SLIT1: variants seen among roughly 807,000 people sequenced by gnomAD.
SLIT1 encodes slit guidance ligand 1, also known as slit homolog 1 protein.
In SLIT1, 66 loss-of-function variants were observed where a neutral mutation model predicts 186.1. That is an observed-to-expected ratio of 0.35 (90% confidence interval 0.29 to 0.44). The LOEUF (loss-of-function observed/expected upper bound fraction) is 0.44, where lower values mean the gene tolerates loss of function less well. Ranked by LOEUF, SLIT1 falls within the 20% of genes least tolerant of loss-of-function variation. SLIT1 has a pLI of 1.00. For synonymous variants in SLIT1, 761 were observed against 833.8 expected (o/e 0.91, Z 1.50); for missense variants, 1,638 against 2,037.4 (o/e 0.80, Z 3.77).
intron 4 of SLIT1, among the ~76,000 whole-genome samples, chr10:97,104,605 G>T (rs539356209): frequency 3.3e-5 from 5 of 151,950 alleles, no homozygotes; most frequent in African/African-American, 1.2e-4. Flanking sequence ...CTTCACTCTT[G>T]GATGCAAGCC....
chr10:97,150,376 G>A (rs1849864098), intron 4 of SLIT1, among the ~76,000 whole-genome samples: 1 of 152,150 alleles, frequency 6.6e-6, no homozygotes, highest in Non-Finnish European at 1.5e-5. Flanking sequence ...AGACGGGAAG[G>A]GAAGCTTTGT....
At chr10:97,001,617 G>C (rs1840832934) in intron 36 of SLIT1, among the ~76,000 whole-genome samples, 1 of 152,118 alleles carries the variant, frequency 6.6e-6, no homozygotes, top group African/African-American at 2.4e-5. Context: ...CATTGCTAGA[G>C]GCGTGCAAGA....
intron 13 of SLIT1, among the ~76,000 whole-genome samples, chr10:97,049,699 C>G (rs1301260659): frequency 6.6e-6 from 1 of 152,144 alleles, no homozygotes. Flanking sequence ...CAGGGAGTCA[C>G]CATCCCCACC....
At chr10:97,018,310 G>C (rs1848471541) in intron 28 of SLIT1, among the ~76,000 whole-genome samples, 1 of 152,242 alleles carries the variant, frequency 6.6e-6, no homozygotes, top group African/African-American at 2.4e-5. Flanking sequence ...CCCACTCCAA[G>C]CCCTGCTCAA....
At chr10:97,171,315 A>C (rs1299737181) in intron 1 of SLIT1, among the ~76,000 whole-genome samples, 1 of 151,824 alleles carries the variant, frequency 6.6e-6, no homozygotes, top group African/African-American at 2.4e-5. Context: ...GCCCCATCCC[A>C]CCTGCCAGCT....
At chr10:97,095,931 G>C (rs1253472381) in intron 4 of SLIT1, among the ~76,000 whole-genome samples, 1 of 152,172 alleles carries the variant, frequency 6.6e-6, no homozygotes, top group Non-Finnish European at 1.5e-5. Flanking sequence ...GTGGGCCTGA[G>C]AGTCTGTGTT....
In SLIT1 at chr10:97,036,067, G is replaced by T. The variant is rs1224035292; in HGVS notation, c.2367-1525C>A. The stretch of plus-strand genomic sequence containing the variant: ...TAAACCATGACAGTCTGGAGAGGGG[G>T]CCATGACTTCGGGGCCTTCACGTCT... On this transcript the variant is annotated intron_variant, in intron 22 of 36. Transcript: ENST00000266058. Among the ~76,000 whole-genome samples the T allele has an allele frequency of 2.6e-5, 4 of 152,090 alleles. No individual in the cohort carries two copies. In the East Asian group the frequency reaches 5.8e-4, roughly 22 times the overall value.
At chr10:97,173,098 C>A (rs1380867064) in intron 1 of SLIT1, among the ~76,000 whole-genome samples, 3 of 152,296 alleles carry the variant, frequency 2.0e-5, no homozygotes, top group Middle Eastern at 3.4e-3. Flanking sequence ...CATAAGTGAG[C>A]CCAATATGAG....
chr10:97,147,610 T>C (rs538538556), intron 4 of SLIT1, among the ~76,000 whole-genome samples: 58 of 148,922 alleles, frequency 3.9e-4, no homozygotes, highest in African/African-American at 1.2e-3. Context: ...CTCTTGTTCA[T>C]GGCTCAGGTT....
chr10:97,060,832 A>C, intron 8 of SLIT1, 45 bp from the exon 9 acceptor site: 1 of 1,521,438 alleles, frequency 6.6e-7, no homozygotes, highest in Non-Finnish European at 8.8e-7. Context: ...ATGCATCAGC[A>C]CCTCCCTTGA....
At chr10:97,119,946 T>TATATATATATATAC (rs1849546229) in intron 4 of SLIT1, among the ~76,000 whole-genome samples, 1 of 137,714 alleles carries the variant, frequency 7.3e-6, no homozygotes, top group Admixed American at 7.3e-5. Context: ...TATATATATA[T>TATATATATATATAC]GTATATGTAT....
intron 4 of SLIT1, among the ~76,000 whole-genome samples, chr10:97,085,386 CT>C (rs879321019): frequency 0.022 from 3,291 of 148,410 alleles, 136 homozygotes; most frequent in African/African-American, 0.076. Flanking sequence ...TTAGCATGTA[CT>C]TTTTTTTTTT....
chr10:97,108,277 C>T (rs994742860), intron 4 of SLIT1, among the ~76,000 whole-genome samples: 5 of 152,180 alleles, frequency 3.3e-5, no homozygotes, highest in African/African-American at 1.2e-4. Flanking sequence ...GCCAGCTTTG[C>T]CACTTCCTTT....
In SLIT1 at chr10:97,021,369, C is replaced by T; in HGVS notation, c.2627G>A (p.Trp876Ter). The change falls in exon 26 of 37, where the codon TGG becomes TAG. Residue 876 changes from tryptophan (W) to a stop codon, truncating the protein, a stop_gained. Coordinates refer to ENST00000266058, the MANE Select transcript of SLIT1 (RefSeq NM_003061.3). LOFTEE classifies it high-confidence loss of function. This position sits in a 1 kb window ranked among gnomAD's most constrained non-coding sequence, Gnocchi z 4.5. ...GCCAGTCTTCACCCAGCTGGACAGC[C>T]AGCGGAGGTGGCAGTCACAGTATAG... is the stretch of plus-strand genomic sequence containing the variant. ...NPLYCDCHLRWLSSWVKTGYK... is the reference protein window; with the variant it reads ...NPLYCDCHLR The T allele has an allele frequency of 6.2e-7, 1 of 1,614,148 alleles. No individual in the cohort carries two copies. The highest frequency in any genetic ancestry group is 8.5e-7 in the Non-Finnish European group (1 of 1,180,006).
rs1485327298 is a variant in SLIT1 at position 97,004,390 on chromosome 10, T to C, written c.3711-168A>G. On this transcript the variant is annotated intron_variant, in intron 33 of 36. Transcript: ENST00000266058. This position sits in a 1 kb window ranked among gnomAD's most constrained non-coding sequence, Gnocchi z 5.1. ...TATCGCATGATCCCTTTCACTCCCC[T>C]TCTTTGACTCCCTGGGGAAGGCTGA... is the stretch of plus-strand genomic sequence containing the variant. Among the ~76,000 whole-genome samples, 1 of 152,164 alleles carries C rather than the reference T, an allele frequency of 6.6e-6. No homozygotes were observed. The highest frequency in any genetic ancestry group is 2.4e-5 in the African/African-American group (1 of 41,442).
chr10:97,005,539 G>C (rs917463773), intron 32 of SLIT1, among the ~76,000 whole-genome samples: 1 of 152,356 alleles, frequency 6.6e-6, no homozygotes, highest in South Asian at 2.1e-4. Flanking sequence ...TGTGACTAAC[G>C]CCAGGCCAAT....
At chr10:97,032,827 AAG>A (rs1848604086) in intron 23 of SLIT1, among the ~76,000 whole-genome samples, 1 of 152,218 alleles carries the variant, frequency 6.6e-6, no homozygotes, top group South Asian at 2.1e-4. Context: ...AGCAATGAGA[AAG>A]AGCTACCGGC....
At chr10:97,018,445 A>G in intron 28 of SLIT1, 141 bp downstream of exon 28, 1 of 582,502 alleles carries the variant, frequency 1.7e-6, no homozygotes, top group East Asian at 3.0e-5. Context: ...TTTGGAGTAC[A>G]TGCCTGCCCC....
In SLIT1 at chr10:97,185,583, G is replaced by A. The variant is rs1248000400; in HGVS notation, c.92C>T (p.Ala31Val). The A allele has an allele frequency of 3.7e-6, 6 of 1,602,122 alleles. No individual in the cohort carries two copies. Among genetic ancestry groups the A allele is most frequent in the African/African-American group, 1.3e-5 (1 of 74,544 alleles). ...GGTGCAGAGGGCGGGGCACGCCGAG[G>A]CACCCAGGCGCCACGCGGCTGCCCA... ...LLWAAAWRLGASACPALCTCT... is the reference protein window; with the variant it reads ...LLWAAAWRLGVSACPALCTCT... Residue 31 changes from alanine to valine, a missense_variant, in exon 1 of 37, where the codon GCC (alanine) becomes GTC (valine). Coordinates refer to ENST00000266058, the MANE Select transcript of SLIT1 (RefSeq NM_003061.3).
Sources: gnomAD v4.1 joint callset for allele counts (sites outside exome capture counted in the v4.1 genomes callset) on GRCh38, gnomAD v4.1.1 for gene constraint, Gnocchi (gnomAD v3.1) non-coding constraint, MANE v1.5 for transcripts, NCBI Gene and HGNC (gene_info 2026-07-23, HGNC 2026-07-21) for gene names.